B3GALT1: variants seen among roughly 807,000 people sequenced by gnomAD.
B3GALT1 encodes UDP-Gal:betaGlcNAc beta 1,3-galactosyltransferase, polypeptide 1.
A neutral mutation model predicts 23.2 loss-of-function variants in B3GALT1; 10 were observed. That is an observed-to-expected ratio of 0.43 (90% CI 0.27 to 0.73). The LOEUF (loss-of-function observed/expected upper bound fraction) is 0.73, where lower values mean the gene tolerates loss of function less well. Ranked by LOEUF, B3GALT1 falls within the 30% of genes least tolerant of loss-of-function variation. B3GALT1 has a pLI of 0.21. For synonymous variants in B3GALT1, 156 were observed against 141.5 expected, an observed-to-expected ratio of 1.10 and a Z score of -0.73; for missense variants, 299 against 405.4, an observed-to-expected ratio of 0.74 and a Z score of 2.25.
At chr2:167,467,125 C>T (rs573066593) in intron 1 of B3GALT1, among the ~76,000 whole-genome samples, 13 of 151,560 alleles carry the variant, frequency 8.6e-5, no homozygotes, top group African/African-American at 3.1e-4. Context: ...TTTTAGTCAA[C>T]GTAATCACCA....
intron 3 of B3GALT1, among the ~76,000 whole-genome samples, chr2:167,763,004 G>C (rs1427067700): frequency 6.6e-6 from 1 of 152,090 alleles, no homozygotes; most frequent in Non-Finnish European, 1.5e-5. Flanking sequence ...TCATCAGCCA[G>C]GTAGGAAAAG....
In B3GALT1 at chr2:167,739,642, T is replaced by C. The variant is rs560763359; in HGVS notation, c.-351-79030T>C. 7.9e-5 allele frequency among the ~76,000 whole-genome samples: 12 copies of C among 152,328 alleles called. No homozygotes were observed. The South Asian group carries it at 2.5e-3, about 32-fold the overall frequency. The stretch of plus-strand genomic sequence containing the variant: ...GTGCTTTTCTCTACCTAACGTATTA[T>C]GTATTTATTGTTTATCAGCTTTCAT... On this transcript the variant is annotated intron_variant, in intron 3 of 4. Transcript: ENST00000392690.
intron 4 of B3GALT1, among the ~76,000 whole-genome samples, chr2:167,844,902 G>A (rs1330837682): frequency 1.3e-5 from 2 of 152,108 alleles, no homozygotes; most frequent in Admixed American, 1.3e-4. Flanking sequence ...GGGCTGTTAG[G>A]GGGCACAGTG....
intron 4 of B3GALT1, among the ~76,000 whole-genome samples, chr2:167,867,193 TG>T (rs1297334714): frequency 6.6e-6 from 1 of 152,226 alleles, no homozygotes; most frequent in Admixed American, 6.5e-5. Flanking sequence ...CCCAAAGTGC[TG>T]GGATTACAGG....
chr2:167,390,612 C>G (rs142463305), intron 1 of B3GALT1, among the ~76,000 whole-genome samples: 1 of 152,152 alleles, frequency 6.6e-6, no homozygotes, highest in African/African-American at 2.4e-5. Flanking sequence ...CTTAGCCCTC[C>G]TACCCAGATC....
chr2:167,867,715 A>C (rs1690262147), intron 4 of B3GALT1, among the ~76,000 whole-genome samples: 1 of 152,208 alleles, frequency 6.6e-6, no homozygotes, highest in Admixed American at 6.5e-5. Context: ...ATTGATACCT[A>C]TTCTCTACTA....
chr2:167,328,315 C>T (rs1034904004), intron 1 of B3GALT1, among the ~76,000 whole-genome samples: 11 of 152,016 alleles, frequency 7.2e-5, no homozygotes, highest in Admixed American at 1.3e-4. Context: ...CATCTTTATA[C>T]GTTTGGTAGA....
chr2:167,597,554 G>C (rs1042933261), intron 2 of B3GALT1, among the ~76,000 whole-genome samples: 1 of 152,182 alleles, frequency 6.6e-6, no homozygotes, highest in Non-Finnish European at 1.5e-5. Flanking sequence ...GCTTGATTCT[G>C]TCTTAGAGAA....
intron 1 of B3GALT1, among the ~76,000 whole-genome samples, chr2:167,334,559 C>T (rs771421002): frequency 1.3e-5 from 2 of 152,070 alleles, no homozygotes; most frequent in South Asian, 2.1e-4. Flanking sequence ...CATATTTTCT[C>T]CTGTTACTTC....
chr2:167,306,074 A>C (rs1425565012), intron 1 of B3GALT1, among the ~76,000 whole-genome samples: 1 of 152,064 alleles, frequency 6.6e-6, no homozygotes, highest in Admixed American at 6.6e-5. Context: ...TAATGCATTA[A>C]TACTACTTCT....
intron 3 of B3GALT1, among the ~76,000 whole-genome samples, chr2:167,806,129 TG>T (rs1688747462): frequency 6.6e-6 from 1 of 152,230 alleles, no homozygotes; most frequent in Admixed American, 6.5e-5. Flanking sequence ...GCTCTCTGTT[TG>T]TCTGTTATTG....
At chr2:167,463,639 A>T (rs1011303068) in intron 1 of B3GALT1, among the ~76,000 whole-genome samples, 1 of 152,170 alleles carries the variant, frequency 6.6e-6, no homozygotes, top group African/African-American at 2.4e-5. Flanking sequence ...TCTGCCAACA[A>T]AAGTCCCAAC....
chr2:167,293,151 A>C lies in B3GALT1; in HGVS notation c.-694A>C, dbSNP rs1361443713. On this transcript the variant is annotated 5_prime_UTR_variant, in exon 1 of 5. Transcript: ENST00000392690. ...GCGCCGCCGGCGCTGCCGGTCTTGC[A>C]GGCGGCCGCCGGGGAGGGGCGGCCG... 1.3e-5 allele frequency: 2 copies of C among 151,448 alleles called. No homozygotes were observed. The highest frequency in any genetic ancestry group is 3.9e-4 in the East Asian group (2 of 5,106). 9.4% of individuals were successfully genotyped at this position (151,448 alleles called of 1,614,324 possible).
intron 2 of B3GALT1, among the ~76,000 whole-genome samples, chr2:167,589,472 G>C (rs1178376803): frequency 2.0e-5 from 3 of 152,064 alleles, no homozygotes; most frequent in Non-Finnish European, 2.9e-5. Context: ...TGGCTAAAAT[G>C]TACATTCTTA....
In B3GALT1 at chr2:167,666,262, G is replaced by T. The variant is rs942989670; in HGVS notation, c.-352+19296G>T. 8.5e-4 allele frequency among the ~76,000 whole-genome samples: 130 copies of T among 152,316 alleles called. 2 individuals carry two copies. Among genetic ancestry groups the T allele is most frequent in the South Asian group, 4.1e-4 (2 of 4,824 alleles). On this transcript the variant is annotated intron_variant, in intron 3 of 4. Transcript: ENST00000392690. Reference sequence around the variant, plus strand: ...AGTTTCCATGTAGTTGAGCGGTTTTGAGTGAGATTCTTAATCCTGAGTTCT... The same window carrying T: ...AGTTTCCATGTAGTTGAGCGGTTTTTAGTGAGATTCTTAATCCTGAGTTCT...
chr2:167,303,475 A>G (rs1696487971), intron 1 of B3GALT1, among the ~76,000 whole-genome samples: 1 of 152,090 alleles, frequency 6.6e-6, no homozygotes, highest in Non-Finnish European at 1.5e-5. Context: ...CTGGGAGAAT[A>G]CCTCTGGAAG....
chr2:167,354,450 G>A (rs371845147), intron 1 of B3GALT1, among the ~76,000 whole-genome samples: 75 of 150,718 alleles, frequency 5.0e-4, no homozygotes, highest in African/African-American at 1.5e-3. Context: ...GGGTTCAAGC[G>A]ATTCTCCTGC....
intron 2 of B3GALT1, among the ~76,000 whole-genome samples, chr2:167,607,540 G>C (rs1534739): frequency 0.83 from 125,860 of 152,102 alleles, 52,115 homozygotes; most frequent in Admixed American, 0.89. Flanking sequence ...TGTGTGCACA[G>C]GTGCACACAC....
At chr2:167,545,218 G>A (rs1383104253) in intron 2 of B3GALT1, among the ~76,000 whole-genome samples, 1 of 151,548 alleles carries the variant, frequency 6.6e-6, no homozygotes, top group African/African-American at 2.4e-5. Context: ...TGTATTTTTA[G>A]TAGAGACAGG....
Sources: gnomAD v4.1 joint callset for allele counts (sites outside exome capture counted in the v4.1 genomes callset) on GRCh38, gnomAD v4.1.1 for gene constraint, MANE v1.5 for transcripts, NCBI Gene and HGNC (gene_info 2026-07-23, HGNC 2026-07-21) for gene names.